MINDY4B: variants seen among roughly 807,000 people sequenced by gnomAD.
MINDY4B encodes MINDY family member 4B.
In MINDY4B, 25 loss-of-function variants were observed where a neutral mutation model predicts 16.7. That is an observed-to-expected ratio of 1.49 (90% CI 1.09 to 2.09). The LOEUF (loss-of-function observed/expected upper bound fraction) is 2.09. MINDY4B is among the 30% of genes most tolerant of loss of function. The pLI, the probability that MINDY4B is intolerant of heterozygous loss-of-function variation, is 0.00. For missense variants in MINDY4B, 327 were observed against 168.4 expected (o/e 1.94, Z -5.21); for synonymous variants, 132 against 61.9 (o/e 2.13, Z -5.32).
chr3:150,900,618 G>A (rs1712091770), intron 3 of MINDY4B, among the ~76,000 whole-genome samples: 1 of 151,992 alleles, frequency 6.6e-6, no homozygotes, highest in Admixed American at 6.6e-5. Context: ...CCATATAATG[G>A]GAATAAATCC....
intron 11 of MINDY4B, 54 bp downstream of exon 11, chr3:150,873,133 C>T (rs960466683): frequency 3.8e-5 from 25 of 651,982 alleles, no homozygotes; most frequent in East Asian, 1.4e-4. Flanking sequence ...CATTGGCAAC[C>T]GCATCTCTTT....
chr3:150,877,070 C>A (rs1711497740), intron 10 of MINDY4B, among the ~76,000 whole-genome samples: 1 of 151,902 alleles, frequency 6.6e-6, no homozygotes, highest in African/African-American at 2.4e-5. Context: ...AAAGTCTCAC[C>A]CACTGGGCTG....
At chr3:150,885,730 T>C (rs1454203946) in intron 7 of MINDY4B, among the ~76,000 whole-genome samples, 1 of 152,206 alleles carries the variant, frequency 6.6e-6, no homozygotes, top group Non-Finnish European at 1.5e-5. Context: ...ATGTCCTTTC[T>C]AGCCCACTTC....
intron 10 of MINDY4B, among the ~76,000 whole-genome samples, chr3:150,881,115 G>C (rs1168790810): frequency 6.6e-6 from 1 of 152,220 alleles, no homozygotes; most frequent in Non-Finnish European, 1.5e-5. Context: ...CCAGGCAGTG[G>C]CTCACGCCTG....
At chr3:150,894,635 A>G (rs1711911981) in intron 3 of MINDY4B, among the ~76,000 whole-genome samples, 1 of 152,128 alleles carries the variant, frequency 6.6e-6, no homozygotes, top group South Asian at 2.1e-4. Context: ...CTCCAGAAAA[A>G]AGGAACAGTC....
At chr3:150,895,140 A>G (rs1274588288) in intron 3 of MINDY4B, among the ~76,000 whole-genome samples, 1 of 152,124 alleles carries the variant, frequency 6.6e-6, no homozygotes, top group Admixed American at 6.5e-5. Context: ...AATTTTATGC[A>G]GTTGGTGCTA....
At chr3:150,876,549 G>T (rs1445167326) in intron 10 of MINDY4B, among the ~76,000 whole-genome samples, 1 of 152,152 alleles carries the variant, frequency 6.6e-6, no homozygotes, top group Non-Finnish European at 1.5e-5. Context: ...GAGTTTGCAG[G>T]TATGTTGTAA....
chr3:150,877,591 C>T (rs971123173), intron 10 of MINDY4B, among the ~76,000 whole-genome samples: 2 of 152,146 alleles, frequency 1.3e-5, no homozygotes, highest in African/African-American at 4.8e-5. Flanking sequence ...CACCACTGAG[C>T]TTGGTCTCCT....
In MINDY4B at chr3:150,871,065, C is replaced by T. The variant is rs1285401337; in HGVS notation, c.1363G>A (p.Gly455Arg). The stretch of plus-strand genomic sequence containing the variant: ...TCCCTTTAGAAGAAGGGAACGGTCC[C>T]ATTCCAGTTGATGGTGGCCTCGCTC... ...KWSEATINWN[G>R]TVPFF Residue 455 changes from glycine to arginine, a missense_variant, in exon 12 of 12, where the codon GGG (glycine) becomes AGG (arginine). Physicochemically the swap from Gly to Arg is moderately radical, Grantham distance 125. Transcript: ENST00000465419. The T allele has an allele frequency of 4.3e-6, 3 of 702,944 alleles. No individual in the cohort carries two copies. Among genetic ancestry groups the T allele is most frequent in the Non-Finnish European group, 7.8e-6 (3 of 384,870 alleles). The allele number at this position is 702,944 out of a possible 1,614,324, so 43.5% of individuals were successfully genotyped here.
At chr3:150,882,390 CT>C (rs1175100891) in intron 10 of MINDY4B, among the ~76,000 whole-genome samples, 2 of 151,610 alleles carry the variant, frequency 1.3e-5, no homozygotes, top group Non-Finnish European at 2.9e-5. Flanking sequence ...TAGGGGCCCC[CT>C]TTTTTTTCCA....
chr3:150,904,644 T>C (rs1712198150), intron 2 of MINDY4B, among the ~76,000 whole-genome samples: 1 of 152,210 alleles, frequency 6.6e-6, no homozygotes, highest in Admixed American at 6.5e-5. Context: ...CAGAATTCAG[T>C]CATCTTTCTC....
intron 7 of MINDY4B, among the ~76,000 whole-genome samples, chr3:150,888,636 C>T (rs966896707): frequency 2.6e-5 from 4 of 152,150 alleles, no homozygotes; most frequent in African/African-American, 9.7e-5. Context: ...TATATATACA[C>T]CATCAAGCTC....
At chr3:150,880,627 C>T (rs1157172172) in intron 10 of MINDY4B, among the ~76,000 whole-genome samples, 1 of 152,222 alleles carries the variant, frequency 6.6e-6, no homozygotes, top group Non-Finnish European at 1.5e-5. Flanking sequence ...ATTACCTACT[C>T]AGATGACTGA....
intron 3 of MINDY4B, among the ~76,000 whole-genome samples, chr3:150,896,414 G>A (rs1231974446): frequency 6.6e-6 from 1 of 152,074 alleles, no homozygotes; most frequent in African/African-American, 2.4e-5. Flanking sequence ...TTGCTGGTGA[G>A]CTAGTGTAAC....
At chr3:150,889,051 G>C (rs1711700546) in intron 7 of MINDY4B, among the ~76,000 whole-genome samples, 1 of 152,174 alleles carries the variant, frequency 6.6e-6, no homozygotes, top group African/African-American at 2.4e-5. Context: ...CAGGCTTCTA[G>C]CTCAACATTT....
Position 150,890,600 on chromosome 3 carries a change from T to A in MINDY4B, c.688-215A>T, listed in dbSNP as rs556675423. ...CACTTCTACATTCCTCAGTTTAAAA[T>A]CATGTAATATCTTGAGCAGTAAAAC... On this transcript the variant is annotated intron_variant, in intron 6 of 11. Transcript: ENST00000465419. 6.1e-6 allele frequency: 3 copies of A among 491,716 alleles called. No individual in the cohort carries two copies. The South Asian group carries it at 1.2e-4, about 20-fold the overall frequency. The allele number at this position is 491,716 out of a possible 1,614,324, so 30.5% of individuals were successfully genotyped here. A position where few individuals can be genotyped will look rare whatever the true frequency, so the allele number is the denominator to read the frequency against.
At chr3:150,897,912 A>G (rs1712019064) in intron 3 of MINDY4B, among the ~76,000 whole-genome samples, 2 of 152,258 alleles carry the variant, frequency 1.3e-5, no homozygotes. Flanking sequence ...TTGAAAACTA[A>G]TGGAAAATGT....
intron 10 of MINDY4B, 40 bp downstream of exon 10, chr3:150,882,857 G>T (rs773067894): frequency 1.5e-6 from 1 of 667,508 alleles, no homozygotes; most frequent in South Asian, 1.6e-5. Context: ...TTAAAATATT[G>T]ACATTCTGGT....
At chr3:150,879,157 C>A (rs1331535079) in intron 10 of MINDY4B, among the ~76,000 whole-genome samples, 1 of 152,182 alleles carries the variant, frequency 6.6e-6, no homozygotes, top group Admixed American at 6.5e-5. Context: ...AAGATATACT[C>A]TTTCTTGTAA....
Sources: gnomAD v4.1 joint callset for allele counts (sites outside exome capture counted in the v4.1 genomes callset) on GRCh38, gnomAD v4.1.1 for gene constraint, MANE v1.5 for transcripts, NCBI Gene and HGNC (gene_info 2026-07-23, HGNC 2026-07-21) for gene names.